HIVEP3: variants seen among roughly 807,000 people sequenced by gnomAD.
HIVEP3 encodes the protein HIVEP zinc finger 3, also known as transcription factor HIVEP3.
HIVEP3 carries 49 observed loss-of-function variants against 152.8 expected under a neutral mutation model. The ratio of observed to expected loss-of-function variants is 0.32; its 90% CI spans 0.26 to 0.41. The LOEUF (loss-of-function observed/expected upper bound fraction) is 0.41, where lower values mean the gene tolerates loss of function less well. Among genes scored for constraint, HIVEP3 ranks in the 10% least tolerant of loss-of-function variants. The pLI, the probability that HIVEP3 is intolerant of heterozygous loss-of-function variation, is 1.00. For synonymous variants in HIVEP3, 1,269 were observed against 1,289.0 expected (o/e 0.98, Z 0.33); for missense variants, 2,790 against 3,103.3 (o/e 0.90, Z 2.40).
chr1:41,628,666 A>G (rs1645151055), intron 3 of HIVEP3, 83 bp downstream of exon 3: 5 of 1,010,294 alleles, frequency 4.9e-6, no homozygotes, highest in Non-Finnish European at 6.4e-6. Flanking sequence ...TACATTTTTC[A>G]GAGGAAGAAC....
chr1:41,596,021 G>A (rs1040166399), intron 3 of HIVEP3, among the ~76,000 whole-genome samples: 2 of 152,116 alleles, frequency 1.3e-5, no homozygotes, highest in South Asian at 4.1e-4. Flanking sequence ...TTCAATGTAC[G>A]CAAAGCACAG....
intron 1 of HIVEP3, among the ~76,000 whole-genome samples, chr1:41,751,290 C>T (rs973661507): frequency 1.0e-4 from 15 of 148,106 alleles, no homozygotes; most frequent in African/African-American, 3.7e-4. Context: ...CTCCTCTTCA[C>T]CCTTTGAATT....
chr1:41,740,930 A>G (rs1414542595), intron 1 of HIVEP3, among the ~76,000 whole-genome samples: 1 of 152,188 alleles, frequency 6.6e-6, no homozygotes, highest in African/African-American at 2.4e-5. Flanking sequence ...GTGGGGGCTC[A>G]GTTTCCTGTG....
chr1:41,811,324 T>A (rs1650945769), intron 1 of HIVEP3, among the ~76,000 whole-genome samples: 1 of 151,328 alleles, frequency 6.6e-6, no homozygotes, highest in South Asian at 2.1e-4. Flanking sequence ...CTCCTGCTCA[T>A]AAGAAACTTC....
intron 5 of HIVEP3, among the ~76,000 whole-genome samples, chr1:41,547,616 C>A (rs1194875743): frequency 1.3e-5 from 2 of 152,210 alleles, no homozygotes; most frequent in Non-Finnish European, 2.9e-5. Flanking sequence ...ACCTGGGGAC[C>A]AGCACAGACT....
intron 1 of HIVEP3, among the ~76,000 whole-genome samples, chr1:41,769,053 T>C (rs968326593): frequency 2.0e-5 from 3 of 152,242 alleles, no homozygotes; most frequent in Non-Finnish European, 4.4e-5. Context: ...ATGCAAGCGC[T>C]TTCTGATCAA....
chr1:41,790,175 T>C (rs1377721127), intron 1 of HIVEP3, among the ~76,000 whole-genome samples: 1 of 152,144 alleles, frequency 6.6e-6, no homozygotes, highest in African/African-American at 2.4e-5. Flanking sequence ...AGGTAAGGCC[T>C]AGTGGGAGGT....
chr1:41,628,977 A>G (rs1645155985), intron 2 of HIVEP3, 30 bp from the exon 3 acceptor site: 1 of 1,228,420 alleles, frequency 8.1e-7, no homozygotes, highest in Non-Finnish European at 1.0e-6. Flanking sequence ...AACATGGTCA[A>G]AGAACTTTCT....
At position 41,510,993 on chromosome 1, in the gene HIVEP3, C is replaced by CTG. The variant is rs758179715; in HGVS notation, c.6678_6679insCA (p.Gly2227GlnfsTer7). The CTG allele has an allele frequency of 6.2e-7, 1 of 1,613,508 alleles. No individual in the cohort carries two copies. The highest frequency in any genetic ancestry group is 1.1e-5 in the South Asian group (1 of 91,044). On this transcript the variant is annotated frameshift_variant, in exon 9 of 9. Transcript: ENST00000372583. LOFTEE classifies it high-confidence loss of function. Reference sequence around the variant, plus strand: ...GCCCCTGTCAGGTCGCTGCCACCCCCGGAGAAGCCACTGACCCAGGCTGCG... The same window carrying CTG: ...GCCCCTGTCAGGTCGCTGCCACCCCCTGGGAGAAGCCACTGACCCAGGCTGCG...
chr1:41,740,700 G>T (rs562265705), intron 1 of HIVEP3, among the ~76,000 whole-genome samples: 102 of 152,344 alleles, frequency 6.7e-4, no homozygotes, highest in African/African-American at 2.0e-3. Flanking sequence ...CGTGTGGGGG[G>T]ACCCCACTCT....
intron 1 of HIVEP3, among the ~76,000 whole-genome samples, chr1:41,748,609 G>A (rs981827067): frequency 1.3e-5 from 2 of 152,210 alleles, no homozygotes; most frequent in African/African-American, 4.8e-5. Context: ...TGTTCTAAGT[G>A]CTTAGGCTAT....
rs1644375405 is a variant in HIVEP3, at chr1:41,579,922, C to T, written c.4876G>A (p.Val1626Ile). The change falls in exon 4 of 9, where the codon GTT (valine) becomes ATT (isoleucine). Residue 1626 changes from valine to isoleucine, a missense_variant. By Grantham distance (29) the Val-to-Ile change is conservative. This residue lies in a region of HIVEP3 where 1,078 missense variants were observed against 1,165.3 expected (regional missense o/e 0.93). Coordinates refer to ENST00000372583, the MANE Select transcript of HIVEP3 (RefSeq NM_024503.5). ...HIQHADRRSS[V>I]YAGWCISLYN... ...AAACTTATGCACCAACCAGCGTAAA[C>T]AGAGGACCTCCTATCTGCATGCTGG... 1 of 1,614,218 alleles carries T rather than the reference C, an allele frequency of 6.2e-7. No homozygotes were observed. The highest frequency in any genetic ancestry group is 1.6e-4 in the Middle Eastern group (1 of 6,062).
chr1:41,722,986 G>A (rs1052974968), intron 1 of HIVEP3, among the ~76,000 whole-genome samples: 4 of 152,166 alleles, frequency 2.6e-5, no homozygotes, highest in African/African-American at 9.7e-5. Flanking sequence ...GACCAGGTAG[G>A]AGATCCTGAG....
chr1:41,515,093 C>T (rs2149048001), intron 7 of HIVEP3, among the ~76,000 whole-genome samples: 1 of 152,300 alleles, frequency 6.6e-6, no homozygotes, highest in African/African-American at 2.4e-5. Context: ...AGTGAGGTTG[C>T]TGACAGGTGG....
intron 1 of HIVEP3, among the ~76,000 whole-genome samples, chr1:41,841,155 T>C (rs941220349): frequency 1.6e-4 from 24 of 152,022 alleles, no homozygotes; most frequent in African/African-American, 5.8e-4. Context: ...CACCACTTCC[T>C]CTGCCCATCC....
At chr1:41,523,958 G>A (rs978276566) in intron 6 of HIVEP3, among the ~76,000 whole-genome samples, 3 of 152,250 alleles carry the variant, frequency 2.0e-5, no homozygotes, top group African/African-American at 7.2e-5. Context: ...TGCAGTAGGA[G>A]AGTGCAATCC....
chr1:41,746,844 C>G (rs1033968249), intron 1 of HIVEP3, among the ~76,000 whole-genome samples: 1 of 152,186 alleles, frequency 6.6e-6, no homozygotes, highest in African/African-American at 2.4e-5. Context: ...CTATCTCAGC[C>G]GTGGGCCAGC....
At chr1:41,733,514 G>C (rs962049931) in intron 1 of HIVEP3, among the ~76,000 whole-genome samples, 3 of 152,210 alleles carry the variant, frequency 2.0e-5, no homozygotes, top group Non-Finnish European at 4.4e-5. Context: ...GCCAGGAGCC[G>C]AGACCCTCAA....
At chr1:41,794,809 C>T (rs557660442) in intron 1 of HIVEP3, among the ~76,000 whole-genome samples, 5 of 152,158 alleles carry the variant, frequency 3.3e-5, no homozygotes, top group Admixed American at 2.6e-4. Context: ...TTTAATTTTG[C>T]AATAATCTTA....
Sources: allele counts gnomAD v4.1 joint callset (sites outside exome capture counted in the v4.1 genomes callset), GRCh38; gene constraint gnomAD v4.1.1; regional missense constraint gnomAD v4.1.1; transcripts MANE v1.5; gene names NCBI Gene and HGNC (gene_info 2026-07-23, HGNC 2026-07-21).